Variants in MED13L observed in about 807,000 individuals in gnomAD.
The protein encoded by MED13L is mediator complex subunit 13L.
Under a neutral mutation model 220.9 loss-of-function variants are expected in MED13L, and 7 were observed. The observed-to-expected ratio is 0.03, with a 90% CI of 0.02 to 0.06. The LOEUF (loss-of-function observed/expected upper bound fraction) is 0.06, where lower values mean the gene tolerates loss of function less well. Among genes scored for constraint, MED13L ranks in the 10% least tolerant of loss-of-function variants. MED13L has a pLI of 1.00. For missense variants in MED13L, 1,965 were observed against 2,760.5 expected (o/e 0.71, Z 6.46); for synonymous variants, 1,011 against 1,015.2 (o/e 1.00, Z 0.08).
intron 4 of MED13L, among the ~76,000 whole-genome samples, chr12:116,080,538 A>G (rs761876922): frequency 6.6e-6 from 1 of 152,192 alleles, no homozygotes; most frequent in African/African-American, 2.4e-5. Flanking sequence ...GACATTCTCA[A>G]TTTCTTAGGA....
At chr12:116,008,206 A>G in intron 10 of MED13L, 195 bp downstream of exon 10, 1 of 680,150 alleles carries the variant, frequency 1.5e-6, no homozygotes, top group Non-Finnish European at 2.4e-6. Context: ...TTATATGCCC[A>G]TGTGTCAAAT....
intron 17 of MED13L, among the ~76,000 whole-genome samples, chr12:115,990,000 T>C (rs1877951220): frequency 6.6e-6 from 1 of 152,150 alleles, no homozygotes; most frequent in Non-Finnish European, 1.5e-5. Context: ...TTCAATGACT[T>C]TGTATTGCTT....
intron 1 of MED13L, among the ~76,000 whole-genome samples, chr12:116,269,466 C>CAAAAAAAAAAAAAAAAAAA (rs34100053): frequency 1.0e-4 from 7 of 69,136 alleles, no homozygotes; most frequent in Non-Finnish European, 1.8e-4. Context: ...TTAAACTATG[C>CAAAAAAAAAAAAAAAAAAA]AAAAAAAAAA....
intron 4 of MED13L, among the ~76,000 whole-genome samples, chr12:116,031,919 GAGATCAAGCATGT>G (rs1322370021): frequency 6.6e-6 from 1 of 151,934 alleles, no homozygotes; most frequent in Non-Finnish European, 1.5e-5. Context: ...ACTAACAAAA[GAGATCAAGCATGT>G]AGATAAGGTT....
At chr12:116,063,872 A>T (rs1397031975) in intron 4 of MED13L, among the ~76,000 whole-genome samples, 1 of 152,092 alleles carries the variant, frequency 6.6e-6, no homozygotes. Context: ...AAATCCACAG[A>T]TGCTTAAGTG....
At chr12:116,185,043 T>C (rs1248989002) in intron 2 of MED13L, among the ~76,000 whole-genome samples, 6 of 152,222 alleles carry the variant, frequency 3.9e-5, no homozygotes, top group Non-Finnish European at 7.3e-5. Context: ...GTTTGTTTCA[T>C]ACAGCAACAG....
intron 4 of MED13L, among the ~76,000 whole-genome samples, chr12:116,069,507 C>T (rs1870208141): frequency 6.6e-6 from 1 of 152,172 alleles, no homozygotes. Context: ...CTTGTAAAGA[C>T]TGGTTGAAAC....
chr12:116,087,255 A>G (rs1871774458), intron 4 of MED13L, among the ~76,000 whole-genome samples: 1 of 152,206 alleles, frequency 6.6e-6, no homozygotes, highest in African/African-American at 2.4e-5. Flanking sequence ...CAATACCATA[A>G]AATTCATCAC....
intron 7 of MED13L, among the ~76,000 whole-genome samples, chr12:116,015,759 G>A (rs1879688818): frequency 1.3e-5 from 2 of 152,168 alleles, no homozygotes; most frequent in African/African-American, 4.8e-5. Flanking sequence ...AGTGCCCTGG[G>A]TAGGAAAAAG....
chr12:116,277,634 CT>C lies in MED13L; in HGVS notation c.-504del, dbSNP rs1192516847. On this transcript the variant is annotated 5_prime_UTR_variant, in exon 1 of 31. Transcript: ENST00000281928. ...CTTCCTCTTCCTCCCCCACCCCCCC[CT>C]CCTCCCCAGTCAGCCTCGCTTCTCC... Among the ~76,000 whole-genome samples the C allele has an allele frequency of 4.7e-5, 7 of 149,850 alleles. No individual in the cohort carries two copies. Among genetic ancestry groups the C allele is most frequent in the South Asian group, 2.1e-4 (1 of 4,824 alleles).
chr12:116,261,492 C>CAAA (rs35601745), intron 1 of MED13L, among the ~76,000 whole-genome samples: 18 of 58,134 alleles, frequency 3.1e-4, no homozygotes, highest in African/African-American at 8.2e-4. Flanking sequence ...AACTCAGTCT[C>CAAA]AAAAAAAAAA....
chr12:116,049,860 T>C (rs1324743822), intron 4 of MED13L, among the ~76,000 whole-genome samples: 2 of 152,192 alleles, frequency 1.3e-5, no homozygotes, highest in Admixed American at 6.5e-5. Context: ...ATCAATTTAA[T>C]AGATTTCAAC....
At chr12:116,190,821 G>A (rs1289632834) in intron 2 of MED13L, among the ~76,000 whole-genome samples, 1 of 152,150 alleles carries the variant, frequency 6.6e-6, no homozygotes, top group African/African-American at 2.4e-5. Flanking sequence ...GCTGCACACA[G>A]TGGCTCATAC....
intron 2 of MED13L, among the ~76,000 whole-genome samples, chr12:116,146,070 A>G (rs1877482947): frequency 6.6e-6 from 1 of 152,216 alleles, no homozygotes; most frequent in African/African-American, 2.4e-5. Flanking sequence ...ACTGCAGCCC[A>G]ACACAAATTT....
chr12:116,128,293 A>T (rs1875765772), intron 2 of MED13L, among the ~76,000 whole-genome samples: 1 of 152,180 alleles, frequency 6.6e-6, no homozygotes, highest in South Asian at 2.1e-4. Context: ...ATGCAACCTA[A>T]TATGATTCTA....
intron 4 of MED13L, among the ~76,000 whole-genome samples, chr12:116,052,709 C>A (rs1332570332): frequency 6.6e-6 from 1 of 152,158 alleles, no homozygotes; most frequent in Admixed American, 6.5e-5. Context: ...TTTGCTTAGG[C>A]TAATAGCACA....
At chr12:116,032,986 G>A (rs891175582) in intron 4 of MED13L, among the ~76,000 whole-genome samples, 9 of 152,050 alleles carry the variant, frequency 5.9e-5, no homozygotes, top group Admixed American at 5.2e-4. Context: ...CGGGGAGAAG[G>A]AAGTGAAGAA....
chr12:116,176,268 C>G (rs1330265027), intron 2 of MED13L, among the ~76,000 whole-genome samples: 1 of 152,144 alleles, frequency 6.6e-6, no homozygotes, highest in Non-Finnish European at 1.5e-5. Flanking sequence ...ATCCTTTATA[C>G]TGTTGTTGAA....
intron 13 of MED13L, among the ~76,000 whole-genome samples, chr12:116,004,809 T>C (rs1878951114): frequency 6.6e-6 from 1 of 152,176 alleles, no homozygotes; most frequent in Non-Finnish European, 1.5e-5. Context: ...GTATATAATA[T>C]CTGTTAGATA....
Sources: gnomAD v4.1 joint callset for allele counts (sites outside exome capture counted in the v4.1 genomes callset) on GRCh38, gnomAD v4.1.1 for gene constraint, MANE v1.5 for transcripts, NCBI Gene and HGNC (gene_info 2026-07-23, HGNC 2026-07-21) for gene names.